Variants in MOCS1 observed in about 807,000 individuals in gnomAD.
The protein encoded by MOCS1 is molybdenum cofactor synthesis 1, also known as molybdenum cofactor biosynthesis protein 1.
Under a neutral mutation model 57.6 loss-of-function variants are expected in MOCS1, and 39 were observed. That is an observed-to-expected ratio of 0.68 (90% confidence interval 0.52 to 0.88). MOCS1 has a LOEUF of 0.88. Ranked by LOEUF, MOCS1 falls within the 40% of genes least tolerant of loss-of-function variation. MOCS1 has a pLI of 0.00. For synonymous variants in MOCS1, 334 were observed against 335.7 expected, an observed-to-expected ratio of 1.00 and a Z score of 0.05; for missense variants, 795 against 831.1, an observed-to-expected ratio of 0.96 and a Z score of 0.53.
chr6:39,908,743 A>C (rs1767109510), intron 10 of MOCS1, among the ~76,000 whole-genome samples: 1 of 152,106 alleles, frequency 6.6e-6, no homozygotes, highest in South Asian at 2.1e-4. Context: ...CCTCTGTTTT[A>C]ACCAGGATTT....
At position 39,906,091 on chromosome 6, in the gene MOCS1, T is replaced by TATGAGACGGAAAAGTTCTGGGCTGGAC; in HGVS notation, c.*265_*266insGTCCAGCCCAGAACTTTTCCGTCTCAT. ...TGATTTCTCAGTTATCTGGCATTGC[T>TATGAGACGGAAAAGTTCTGGGCTGGAC]TGTTGCAGTCCCGCTCCCACGACCT... On this transcript the variant is annotated 3_prime_UTR_variant, in exon 11 of 11. Coordinates refer to ENST00000340692, the MANE Select transcript of MOCS1 (RefSeq NM_001358530.2). 1 of 666,438 alleles carries TATGAGACGGAAAAGTTCTGGGCTGGAC rather than the reference T, an allele frequency of 1.5e-6. No homozygotes were observed. Among genetic ancestry groups the TATGAGACGGAAAAGTTCTGGGCTGGAC allele is most frequent in the Admixed American group, 2.0e-5 (1 of 48,894 alleles). The allele number at this position is 666,438 out of a possible 1,614,324, so 41.3% of individuals were successfully genotyped here. A position where few individuals can be genotyped will look rare whatever the true frequency, so the allele number is the denominator to read the frequency against.
chr6:39,919,263 T>A (rs1021257516), intron 3 of MOCS1, among the ~76,000 whole-genome samples: 1 of 152,142 alleles, frequency 6.6e-6, no homozygotes, highest in Non-Finnish European at 1.5e-5. Context: ...GGCAGGTGGA[T>A]CACTTGAGGT....
chr6:39,929,744 T>C (rs1169430914), intron 1 of MOCS1, among the ~76,000 whole-genome samples: 1 of 151,724 alleles, frequency 6.6e-6, no homozygotes, highest in African/African-American at 2.4e-5. Context: ...AGTGTGAGAC[T>C]AGCCTGGGCA....
At chr6:39,927,019 C>T (rs1419227344) in intron 2 of MOCS1, among the ~76,000 whole-genome samples, 3 of 151,728 alleles carry the variant, frequency 2.0e-5, no homozygotes, top group Non-Finnish European at 4.4e-5. Flanking sequence ...ACTTCGGGAA[C>T]TACAGGGAAA....
At chr6:39,934,136 G>C (rs1033433517) in intron 1 of MOCS1, among the ~76,000 whole-genome samples, 159 bp downstream of exon 1, 1 of 152,078 alleles carries the variant, frequency 6.6e-6, no homozygotes, top group African/African-American at 2.4e-5. Context: ...GGGTGAGACC[G>C]GGCGGTCCAT....
chr6:39,905,595 C>T lies in MOCS1; in HGVS notation c.*762G>A, dbSNP rs115429345. 290 of 471,152 alleles carry T rather than the reference C, an allele frequency of 6.2e-4. No individual in the cohort carries two copies. The highest frequency in any genetic ancestry group is 1.0e-3 in the Non-Finnish European group (235 of 227,068). 29.2% of individuals were successfully genotyped at this position (471,152 alleles called of 1,614,324 possible). On this transcript the variant is annotated 3_prime_UTR_variant, in exon 11 of 11. Transcript: ENST00000340692. ...CAATCTATCATCAACTTTTCTTTCC[C>T]TGATATGCTCCAGAATAAAGAGGGG...
At chr6:39,908,669 T>C (rs1280389963) in intron 10 of MOCS1, among the ~76,000 whole-genome samples, 2 of 152,264 alleles carry the variant, frequency 1.3e-5, no homozygotes, top group African/African-American at 2.4e-5. Flanking sequence ...GCATGGATCA[T>C]TGGGTACTAC....
chr6:39,925,642 G>T, intron 3 of MOCS1, 36 bp downstream of exon 3: 2 of 1,612,110 alleles, frequency 1.2e-6, no homozygotes, highest in Non-Finnish European at 8.5e-7. Context: ...ATGAGGCAGC[G>T]CTGGGAGAAG....
chr6:39,909,641 C>T (rs1052017064), intron 9 of MOCS1, among the ~76,000 whole-genome samples, 194 bp downstream of exon 9: 6 of 152,112 alleles, frequency 3.9e-5, no homozygotes, highest in African/African-American at 9.7e-5. Context: ...ATGACTTTTC[C>T]CCATGGAAGG....
intron 8 of MOCS1, among the ~76,000 whole-genome samples, chr6:39,911,152 C>T (rs150394791): frequency 1.2e-3 from 176 of 152,254 alleles, no homozygotes; most frequent in Non-Finnish European, 2.3e-3. Flanking sequence ...TTCAGAATCC[C>T]ACCTTCCATT....
intron 1 of MOCS1, among the ~76,000 whole-genome samples, chr6:39,929,370 C>T (rs1185748392): frequency 6.6e-6 from 1 of 152,060 alleles, no homozygotes; most frequent in Non-Finnish European, 1.5e-5. Flanking sequence ...CATCAGCCAC[C>T]GGAGTCCAGA....
At chr6:39,928,939 T>C (rs1768491371) in intron 1 of MOCS1, among the ~76,000 whole-genome samples, 1 of 152,226 alleles carries the variant, frequency 6.6e-6, no homozygotes, top group African/African-American at 2.4e-5. Context: ...ATTAGAACCA[T>C]CTGGAGAACT....
rs777029725 is a variant in MOCS1 at position 39,925,808 on chromosome 6, G to A, written c.288C>T (p.Thr96=). ...YCMPEEGVPL[T]PKANLLTTEE... is the part of the protein sequence containing the mutation. ...CTGTGGTCAGCAGGTTGGCTTTGGG[G>A]GTCAGCGGGACCCCCTCCTCGGGCA... Residue 96 remains threonine, a synonymous_variant, in exon 3 of 11, where the codon ACC becomes ACT. Transcript: ENST00000340692. 1.2e-6 allele frequency: 2 copies of A among 1,612,748 alleles called. No homozygotes were observed. The highest frequency in any genetic ancestry group is 4.5e-5 in the East Asian group (2 of 44,862).
In MOCS1 at chr6:39,934,342, G is replaced by A. The variant is rs1315704414; in HGVS notation, c.76C>T (p.Pro26Ser). 6.4e-7 allele frequency: 1 copy of A among 1,552,604 alleles called. No individual in the cohort carries two copies. The highest frequency in any genetic ancestry group is 1.2e-5 in the South Asian group (1 of 84,756). ...SSARSCSSGA[P>S]VTQPCPGESA... ...TCCCCGGGGCAGGGCTGGGTCACCG[G>A]AGCCCCTGAGCTGCAGCTCCGGGCG... Residue 26 changes from proline (P) to serine (S), a missense_variant, in exon 1 of 11, where the codon CCG becomes TCG. Physicochemically the swap from Pro to Ser is moderately conservative, Grantham distance 74. This residue lies in a region of MOCS1 where 416 missense variants were observed against 392.4 expected (regional missense o/e 1.06). Coordinates refer to ENST00000340692, the MANE Select transcript of MOCS1 (RefSeq NM_001358530.2).
At chr6:39,918,389 G>T (rs994924548) in intron 3 of MOCS1, among the ~76,000 whole-genome samples, 1 of 152,238 alleles carries the variant, frequency 6.6e-6, no homozygotes. Flanking sequence ...CACAATCATG[G>T]TGTAAGAATA....
chr6:39,905,157 T>TAGAG lies in MOCS1; in HGVS notation c.*1196_*1199dup, dbSNP rs753433413. On this transcript the variant is annotated 3_prime_UTR_variant, in exon 11 of 11. Coordinates refer to ENST00000340692, the MANE Select transcript of MOCS1 (RefSeq NM_001358530.2). ...ACTGAGGACTCAAAGACATCCAAGT[T>TAGAG]AGAGAGCCCAGCAGGCCAGAACTGT... The TAGAG allele has an allele frequency of 1.1e-5, 5 of 454,364 alleles. No homozygotes were observed. The highest frequency in any genetic ancestry group is 1.8e-5 in the Non-Finnish European group (4 of 226,900). The allele number at this position is 454,364 out of a possible 1,614,324, so 28.1% of individuals were successfully genotyped here. A position where few individuals can be genotyped will look rare whatever the true frequency, so the allele number is the denominator to read the frequency against.
At position 39,906,502 on chromosome 6, in the gene MOCS1, A is replaced by G. The variant is rs1342262686; in HGVS notation, c.1766T>C (p.Val589Ala). 6.2e-7 allele frequency: 1 copy of G among 1,613,984 alleles called. No individual in the cohort carries two copies. Among genetic ancestry groups the G allele is most frequent in the Non-Finnish European group, 8.5e-7 (1 of 1,180,004 alleles). ...AGCAGAGGTCAGGGCCTCCATCTCC[A>G]CCCCGGTGGGGCCCCGAGCCCGGCA... Reference protein sequence around the residue: ...ASCRARGPTGVEMEALTSAAV... With the variant: ...ASCRARGPTGAEMEALTSAAV... The change falls in exon 11 of 11, where the codon GTG (valine) becomes GCG (alanine). Residue 589 changes from valine (V) to alanine (A), a missense_variant. Around this residue, in one of 3 missense-constraint regions of MOCS1, gnomAD observed 374 missense variants for 422.6 expected, o/e 0.89. Coordinates refer to ENST00000340692, the MANE Select transcript of MOCS1 (RefSeq NM_001358530.2).
At position 39,912,338 on chromosome 6, in the gene MOCS1, A is replaced by C; in HGVS notation, c.907T>G (p.Phe303Val). 6.2e-7 allele frequency: 1 copy of C among 1,614,088 alleles called. No individual in the cohort carries two copies. Among genetic ancestry groups the C allele is most frequent in the Non-Finnish European group, 8.5e-7 (1 of 1,180,004 alleles). ...KIPGFQGQISFITSMSEHFCG... is the reference protein window; with the variant it reads ...KIPGFQGQISVITSMSEHFCG... ...AAATGCTCAGACATGGATGTGATGA[A>C]GCTGATCTGGCCTTGGAAGCCAGGG... is the stretch of plus-strand genomic sequence containing the variant. The change falls in exon 8 of 11, where the codon TTC (phenylalanine) becomes GTC (valine). Residue 303 changes from phenylalanine to valine, a missense_variant. Coordinates refer to ENST00000340692, the MANE Select transcript of MOCS1 (RefSeq NM_001358530.2).
chr6:39,910,035 T>C, intron 8 of MOCS1, 80 bp from the exon 9 acceptor site: 1 of 1,594,604 alleles, frequency 6.3e-7, no homozygotes, highest in Non-Finnish European at 8.5e-7. Flanking sequence ...ACTCCTTCCC[T>C]GGTTCTCCCT....
Sources: gnomAD v4.1 joint callset for allele counts (sites outside exome capture counted in the v4.1 genomes callset) on GRCh38, gnomAD v4.1.1 for gene constraint, gnomAD v4.1.1 regional missense constraint, MANE v1.5 for transcripts, NCBI Gene and HGNC (gene_info 2026-07-23, HGNC 2026-07-21) for gene names.